Variants in DCAF1 observed in about 807,000 individuals in gnomAD.
The protein encoded by DCAF1 is DDB1 and CUL4 associated factor 1.
DCAF1 carries 15 observed loss-of-function variants against 128.0 expected under a neutral mutation model. The observed-to-expected ratio is 0.12, with a 90% CI of 0.08 to 0.18. DCAF1 has a LOEUF of 0.18. Ranked by LOEUF, DCAF1 falls within the 10% of genes least tolerant of loss-of-function variation. DCAF1 has a pLI of 1.00. For missense variants in DCAF1, 988 were observed against 1,649.5 expected (o/e 0.60, Z 6.95); for synonymous variants, 610 against 603.0 (o/e 1.01, Z -0.17).
chr3:51,444,254 G>T lies in DCAF1; in HGVS notation c.376-351C>A, dbSNP rs577162472. 2.0e-5 allele frequency among the ~76,000 whole-genome samples: 3 copies of T among 151,888 alleles called. No individual in the cohort carries two copies. In the South Asian group the frequency reaches 6.2e-4, roughly 32 times the overall value. On this transcript the variant is annotated intron_variant, in intron 6 of 24. Transcript: ENST00000684031. ...CATGATCAACTGGGGATCACTGAAA[G>T]TATCTCTCACAGAAGCTCACAAAGC...
chr3:51,476,326 G>C (rs576986405), intron 3 of DCAF1, among the ~76,000 whole-genome samples: 4 of 151,712 alleles, frequency 2.6e-5, no homozygotes, highest in African/African-American at 9.7e-5. Context: ...GGGAGGCAGA[G>C]ATTGCAGTGA....
intron 1 of DCAF1, among the ~76,000 whole-genome samples, chr3:51,499,386 T>G (rs1272231702): frequency 1.3e-5 from 2 of 151,328 alleles, no homozygotes; most frequent in South Asian, 4.2e-4. Flanking sequence ...CAGGGAGAGG[T>G]GGCACGAGGC....
intron 23 of DCAF1, among the ~76,000 whole-genome samples, chr3:51,411,110 G>T (rs575762140): frequency 1.3e-5 from 2 of 149,344 alleles, no homozygotes; most frequent in Non-Finnish European, 3.0e-5. Context: ...GCAGTGAGCC[G>T]AGATCGTGCC....
Position 51,414,922 on chromosome 3 carries a change from A to C in DCAF1, c.3604-65T>G, listed in dbSNP as rs144453340. On this transcript the variant is annotated intron_variant, in intron 18 of 24. Transcript: ENST00000684031. ...ATCCATCCACTGACAAATTAAAGAG[A>C]AAATGTGCAAAGCAGTTTCTAAAAT... 300 of 1,541,250 alleles carry C rather than the reference A, an allele frequency of 1.9e-4. No homozygotes were observed. The African/African-American group carries it at 3.6e-3, about 18-fold the overall frequency.
intron 10 of DCAF1, among the ~76,000 whole-genome samples, chr3:51,432,045 C>T (rs565717062): frequency 2.0e-5 from 3 of 150,604 alleles, no homozygotes; most frequent in South Asian, 2.1e-4. Flanking sequence ...GGCCAAGGTG[C>T]GGGAATCACA....
chr3:51,492,260 C>T (rs1284034433), intron 2 of DCAF1, among the ~76,000 whole-genome samples: 1 of 151,968 alleles, frequency 6.6e-6, no homozygotes, highest in Non-Finnish European at 1.5e-5. Flanking sequence ...AGTGCTGTGG[C>T]TCATGCCTAT....
intron 4 of DCAF1, among the ~76,000 whole-genome samples, chr3:51,470,155 C>CA (rs1704573837): frequency 6.6e-6 from 1 of 152,146 alleles, no homozygotes; most frequent in South Asian, 2.1e-4. Flanking sequence ...AAAAGCAGGA[C>CA]ACTGAATGCT....
At chr3:51,459,579 C>A (rs1435919984) in intron 6 of DCAF1, among the ~76,000 whole-genome samples, 1 of 152,164 alleles carries the variant, frequency 6.6e-6, no homozygotes, top group Admixed American at 6.6e-5. Context: ...CATCCTGATA[C>A]CAAAGCCTGG....
At chr3:51,460,790 G>GA (rs1703465776) in intron 6 of DCAF1, among the ~76,000 whole-genome samples, 1 of 151,998 alleles carries the variant, frequency 6.6e-6, no homozygotes, top group African/African-American at 2.4e-5. Flanking sequence ...TGACAAACCT[G>GA]ACAAAAACAA....
At chr3:51,486,193 CTTTTTTT>C (rs35273248) in intron 2 of DCAF1, among the ~76,000 whole-genome samples, 12 of 113,358 alleles carry the variant, frequency 1.1e-4, no homozygotes, top group African/African-American at 3.9e-4. Context: ...CCGGCAGATT[CTTTTTTT>C]TTTTTTTTTT....
At chr3:51,497,516 G>A (rs894702383) in intron 1 of DCAF1, among the ~76,000 whole-genome samples, 1 of 152,082 alleles carries the variant, frequency 6.6e-6, no homozygotes, top group African/African-American at 2.4e-5. Context: ...GAACCCGGGA[G>A]GTGGAGGTTG....
At chr3:51,467,598 T>C (rs1442167541) in intron 4 of DCAF1, among the ~76,000 whole-genome samples, 2 of 151,996 alleles carry the variant, frequency 1.3e-5, no homozygotes, top group Non-Finnish European at 2.9e-5. Flanking sequence ...TGTATACATA[T>C]GTAACAAACC....
In DCAF1 at chr3:51,470,982, T is replaced by A; in HGVS notation, c.134A>T (p.Glu45Val). 2 of 1,607,236 alleles carry A rather than the reference T, an allele frequency of 1.2e-6. No individual in the cohort carries two copies. Among genetic ancestry groups the A allele is most frequent in the South Asian group, 2.2e-5 (2 of 90,054 alleles). ...LTRMSQLIEK[E>V]TEEYRKGDPD... ...ATCCCCTTTACGATACTCTTCAGTTTCTTTTTCAATCAATTGAGACATCCT... is the reference window on the plus strand; with the variant it reads ...ATCCCCTTTACGATACTCTTCAGTTACTTTTTCAATCAATTGAGACATCCT... Residue 45 changes from glutamate (E) to valine (V), a missense_variant, in exon 4 of 25, where the codon GAA (glutamate) becomes GTA (valine). Physicochemically the swap from Glu to Val is moderately radical, Grantham distance 121 (BLOSUM62 -2). This residue lies in a region of DCAF1 where 48 missense variants were observed against 52.6 expected (regional missense o/e 0.91). Transcript: ENST00000684031.
chr3:51,485,090 ATT>A (rs1225691163), intron 2 of DCAF1, among the ~76,000 whole-genome samples: 1 of 151,712 alleles, frequency 6.6e-6, no homozygotes, highest in Non-Finnish European at 1.5e-5. Context: ...TAATTTTTGT[ATT>A]TTAGTAGAAA....
intron 6 of DCAF1, among the ~76,000 whole-genome samples, chr3:51,446,959 T>C (rs1401499908): frequency 4.1e-5 from 1 of 24,446 alleles, no homozygotes; most frequent in Non-Finnish European, 7.5e-5. Context: ...AAACTTTGTC[T>C]CAAAAATAAT....
Position 51,441,718 on chromosome 3 carries a change from C to T in DCAF1, c.693G>A (p.Glu231=), listed in dbSNP as rs1553638797. The change falls in exon 8 of 25, where the codon GAG becomes GAA. Residue 231 remains glutamate (E), a synonymous_variant. Coordinates refer to ENST00000684031, the MANE Select transcript of DCAF1 (RefSeq NM_001387579.1). The stretch of plus-strand genomic sequence containing the variant: ...AGATCTCCATGTCTCCAGAAGCTTC[C>T]TCTTGGTCTCCATCCACTACATCTA... ...MAVDVVDGDQ[E]EASGDMEISF... 1 of 1,613,934 alleles carries T rather than the reference C, an allele frequency of 6.2e-7. No individual in the cohort carries two copies. The highest frequency in any genetic ancestry group is 1.1e-5 in the South Asian group (1 of 91,086).
intron 1 of DCAF1, among the ~76,000 whole-genome samples, chr3:51,497,361 G>A (rs538349688): frequency 5.3e-4 from 80 of 152,164 alleles, no homozygotes; most frequent in Middle Eastern, 3.4e-3. Context: ...AGGCCTAGGC[G>A]GTGGATCACG....
At chr3:51,456,910 T>G (rs1321193658) in intron 6 of DCAF1, among the ~76,000 whole-genome samples, 1 of 152,200 alleles carries the variant, frequency 6.6e-6, no homozygotes, top group Non-Finnish European at 1.5e-5. Flanking sequence ...AAAACCCATC[T>G]GTACGTCACC....
chr3:51,484,194 C>G (rs1326439188), intron 2 of DCAF1, among the ~76,000 whole-genome samples: 1 of 151,976 alleles, frequency 6.6e-6, no homozygotes, highest in Non-Finnish European at 1.5e-5. Flanking sequence ...CATTTACCAC[C>G]AGGCATGGTG....
Sources: allele counts gnomAD v4.1 joint callset (sites outside exome capture counted in the v4.1 genomes callset), GRCh38; gene constraint gnomAD v4.1.1; regional missense constraint gnomAD v4.1.1; transcripts MANE v1.5; gene names NCBI Gene and HGNC (gene_info 2026-07-23, HGNC 2026-07-21).